Variants in CBY2 observed in about 807,000 individuals in gnomAD.
CBY2 encodes chibby family member 2, also known as protein chibby homolog 2.
Under a neutral mutation model 25.3 loss-of-function variants are expected in CBY2, and 23 were observed. The observed-to-expected ratio is 0.91, with a 90% CI of 0.65 to 1.29. The LOEUF (loss-of-function observed/expected upper bound fraction) is 1.29. Ranked by LOEUF, CBY2 falls within the 50% of genes most tolerant of loss-of-function variation. CBY2 has a pLI of 0.00. For missense variants in CBY2, 642 were observed against 590.7 expected (o/e 1.09, Z -0.90); for synonymous variants, 279 against 260.2 (o/e 1.07, Z -0.70).
chr13:45,710,993 T>C (rs1950267316), intron 2 of CBY2, among the ~76,000 whole-genome samples: 1 of 152,222 alleles, frequency 6.6e-6, no homozygotes, highest in South Asian at 2.1e-4. Flanking sequence ...ACTTGTTTTT[T>C]ATTTTCTCTA....
intron 2 of CBY2, among the ~76,000 whole-genome samples, chr13:45,708,141 G>T (rs1487047825): frequency 6.6e-6 from 1 of 152,168 alleles, no homozygotes; most frequent in Non-Finnish European, 1.5e-5. Flanking sequence ...ACAGTGAATA[G>T]CGCCTTTTAG....
Position 45,713,363 on chromosome 13 carries a change from A to C in CBY2, c.338A>C (p.Glu113Ala). 6.2e-7 allele frequency: 1 copy of C among 1,614,150 alleles called. No homozygotes were observed. Among genetic ancestry groups the C allele is most frequent in the Non-Finnish European group, 8.5e-7 (1 of 1,180,020 alleles). ...MERPMSQADL[E>A]LDYNPPRVQL... ...CGCCCCATGTCCCAGGCCGACCTGG[A>C]GCTGGACTACAACCCGCCGCGGGTG... The change falls in exon 3 of 3, where the codon GAG becomes GCG. Residue 113 changes from glutamate to alanine, a missense_variant. By Grantham distance (107) the Glu-to-Ala change is moderately radical (BLOSUM62 -1). Transcript: ENST00000310521. This position sits in a 1 kb window ranked among gnomAD's most constrained non-coding sequence, Gnocchi z 5.0.
At chr13:45,702,997 C>G in intron 2 of CBY2, 142 bp downstream of exon 2, 1 of 1,109,182 alleles carries the variant, frequency 9.0e-7, no homozygotes, top group Non-Finnish European at 1.3e-6. Context: ...TGGGTGCCAG[C>G]AGGCGGTGTG....
chr13:45,703,654 C>A (rs898808761), intron 2 of CBY2: 69 of 1,363,904 alleles, frequency 5.1e-5, no homozygotes, highest in Non-Finnish European at 5.8e-5. Context: ...GGTGGGCATT[C>A]CATATATATA....
At position 45,709,330 on chromosome 13, in the gene CBY2, G is replaced by A. The variant is rs116464364; in HGVS notation, c.157-3852G>A. ...TGTTCCTTGGGTACCCAGTGTGGAA[G>A]GTGGATGTAGAACACAGGCAGCTGA... On this transcript the variant is annotated intron_variant, in intron 2 of 2. Coordinates refer to ENST00000310521, the MANE Select transcript of CBY2 (RefSeq NM_152719.3). Among the ~76,000 whole-genome samples, 869 of 152,260 alleles carry A rather than the reference G, an allele frequency of 5.7e-3. 12 individuals carry two copies. Among genetic ancestry groups the A allele is most frequent in the African/African-American group, 0.02 (845 of 41,546 alleles).
Position 45,713,547 on chromosome 13 carries a change from T to C in CBY2, c.522T>C (p.Ser174=), listed in dbSNP as rs1950287071. 6.2e-7 allele frequency: 1 copy of C among 1,613,828 alleles called. No individual in the cohort carries two copies. The highest frequency in any genetic ancestry group is 8.5e-7 in the Non-Finnish European group (1 of 1,179,900). Residue 174 remains serine (S), a synonymous_variant, in exon 3 of 3, where the codon TCT becomes TCC. Transcript: ENST00000310521. The surrounding 1 kb of genome is among the most constrained non-coding windows in gnomAD (Gnocchi z 5.0). ...KECMLQEENK[S]LREENKALRE... ...GCATGCTGCAGGAGGAGAACAAGTC[T>C]CTGCGGGAGGAGAACAAGGCCCTGC...
At chr13:45,705,832 T>A (rs572374556) in intron 2 of CBY2, among the ~76,000 whole-genome samples, 1 of 152,240 alleles carries the variant, frequency 6.6e-6, no homozygotes, top group Non-Finnish European at 1.5e-5. Flanking sequence ...GATGGCTGAA[T>A]GTTCTCTGAT....
At chr13:45,710,130 C>A (rs1194188135) in intron 2 of CBY2, among the ~76,000 whole-genome samples, 1 of 152,154 alleles carries the variant, frequency 6.6e-6, no homozygotes, top group East Asian at 1.9e-4. Context: ...CTGGGATGCA[C>A]ATGTTGACTA....
chr13:45,702,737 T>G (rs1233527189), intron 1 of CBY2, 38 bp from the exon 2 acceptor site: 1 of 1,539,212 alleles, frequency 6.5e-7, no homozygotes, highest in Non-Finnish European at 9.0e-7. Context: ...GAGGATGAGC[T>G]GGGAAGCAGT....
At chr13:45,709,829 C>G (rs1950259376) in intron 2 of CBY2, among the ~76,000 whole-genome samples, 1 of 152,100 alleles carries the variant, frequency 6.6e-6, no homozygotes, top group African/African-American at 2.4e-5. Context: ...TCATGTTCCC[C>G]AAAGTACTGC....
rs1352788099 is a variant in CBY2, at chr13:45,714,516, G to A, written c.*144G>A. 1 of 683,124 alleles carries A rather than the reference G, an allele frequency of 1.5e-6. No homozygotes were observed. Among genetic ancestry groups the A allele is most frequent in the Non-Finnish European group, 2.4e-6 (1 of 424,622 alleles). 42.3% of individuals were successfully genotyped at this position (683,124 alleles called of 1,614,324 possible). A position where few individuals can be genotyped will look rare whatever the true frequency, so the allele number is the denominator to read the frequency against. Reference sequence around the variant, plus strand: ...AGCGTTAGCAGCCTTCCTAAACTCAGAGTTTTAATAAAGGTGTGAGGAGGC... The same window carrying A: ...AGCGTTAGCAGCCTTCCTAAACTCAAAGTTTTAATAAAGGTGTGAGGAGGC... On this transcript the variant is annotated 3_prime_UTR_variant, in exon 3 of 3. Transcript: ENST00000310521.
chr13:45,705,031 C>T (rs1950232314), intron 2 of CBY2, among the ~76,000 whole-genome samples: 1 of 152,242 alleles, frequency 6.6e-6, no homozygotes, highest in Non-Finnish European at 1.5e-5. Context: ...GAGACTGCCT[C>T]TGGCTCCCAG....
At chr13:45,712,662 C>T (rs1451265632) in intron 2 of CBY2, among the ~76,000 whole-genome samples, 1 of 151,996 alleles carries the variant, frequency 6.6e-6, no homozygotes, top group Non-Finnish European at 1.5e-5. Context: ...TTTGTTTTGC[C>T]TTCTTGTGCA....
intron 2 of CBY2, among the ~76,000 whole-genome samples, chr13:45,705,560 A>G (rs1950235370): frequency 6.6e-6 from 1 of 152,224 alleles, no homozygotes; most frequent in African/African-American, 2.4e-5. Context: ...CATACTACAT[A>G]TGACATCTTC....
At position 45,712,669 on chromosome 13, in the gene CBY2, T is replaced by G. The variant is rs567157090; in HGVS notation, c.157-513T>G. 9.1e-4 allele frequency among the ~76,000 whole-genome samples: 138 copies of G among 152,296 alleles called. 1 individual carries two copies. Among genetic ancestry groups the G allele is most frequent in the African/African-American group, 3.1e-3 (128 of 41,564 alleles). On this transcript the variant is annotated intron_variant, in intron 2 of 2. Transcript: ENST00000310521. Reference sequence around the variant, plus strand: ...CCACTTTTTTTGTTTTGCCTTCTTGTGCATTTTGTTGGTGATTTTGCTGTT... The same window carrying G: ...CCACTTTTTTTGTTTTGCCTTCTTGGGCATTTTGTTGGTGATTTTGCTGTT...
At chr13:45,707,631 G>A (rs1950246902) in intron 2 of CBY2, among the ~76,000 whole-genome samples, 1 of 152,224 alleles carries the variant, frequency 6.6e-6, no homozygotes, top group African/African-American at 2.4e-5. Flanking sequence ...ATAGGTCACT[G>A]TGCTTAGATA....
In CBY2 at chr13:45,714,467, G is replaced by A. The variant is rs573252409; in HGVS notation, c.*95G>A. 4,072 of 1,126,694 alleles carry A rather than the reference G, an allele frequency of 3.6e-3. 178 individuals carry two copies. In the South Asian group the frequency reaches 0.057, roughly 16 times the overall value. 69.8% of individuals were successfully genotyped at this position (1,126,694 alleles called of 1,614,324 possible). A position where few individuals can be genotyped will look rare whatever the true frequency, so the allele number is the denominator to read the frequency against. On this transcript the variant is annotated 3_prime_UTR_variant, in exon 3 of 3. Transcript: ENST00000310521. Reference sequence around the variant, plus strand: ...TCCTTTGTCGTCCTCGCCTTCCCCAGCCAGTTCGTACCTATTGAAAAGCAG... The same window carrying A: ...TCCTTTGTCGTCCTCGCCTTCCCCAACCAGTTCGTACCTATTGAAAAGCAG...
At chr13:45,705,576 C>T (rs1248534182) in intron 2 of CBY2, among the ~76,000 whole-genome samples, 3 of 152,204 alleles carry the variant, frequency 2.0e-5, no homozygotes, top group Admixed American at 6.5e-5. Flanking sequence ...TCTTCTTTAT[C>T]CTCTTTGCTG....
In CBY2 at chr13:45,704,351, G is replaced by C. The variant is rs1177190061; in HGVS notation, c.156+1496G>C. 6.6e-6 allele frequency among the ~76,000 whole-genome samples: 1 copy of C among 152,190 alleles called. No individual in the cohort carries two copies. Among genetic ancestry groups the C allele is most frequent in the Non-Finnish European group, 1.5e-5 (1 of 68,042 alleles). ...TGCTGCTGGGGTCTTGTGGGGCAGA[G>C]TGGGTGAAGAATGAGAGGATATCTC... is the stretch of plus-strand genomic sequence containing the variant. On this transcript the variant is annotated intron_variant, in intron 2 of 2. Transcript: ENST00000310521. The surrounding 1 kb of genome is among the most constrained non-coding windows in gnomAD (Gnocchi z 4.1).
Sources: allele counts gnomAD v4.1 joint callset (sites outside exome capture counted in the v4.1 genomes callset), GRCh38; gene constraint gnomAD v4.1.1; non-coding constraint Gnocchi (gnomAD v3.1); transcripts MANE v1.5; gene names NCBI Gene and HGNC (gene_info 2026-07-23, HGNC 2026-07-21).